Variants in OSBPL9 observed in about 807,000 individuals in gnomAD.
OSBPL9 encodes the protein oxysterol-binding protein-related protein 9.
OSBPL9 carries 40 observed loss-of-function variants against 106.6 expected under a neutral mutation model. The ratio of observed to expected loss-of-function variants is 0.38; its 90% CI spans 0.29 to 0.49. The LOEUF is 0.49. Among genes scored for constraint, OSBPL9 ranks in the 20% least tolerant of loss-of-function variants. The pLI is 0.97. For missense variants in OSBPL9, 609 were observed against 887.2 expected, an observed-to-expected ratio of 0.69 and a Z score of 3.98; for synonymous variants, 269 against 295.4, an observed-to-expected ratio of 0.91 and a Z score of 0.92.
At chr1:51,570,803 A>C in the OSBPL9 span, among the ~76,000 whole-genome samples, 3 of 152,120 alleles carry the variant, frequency 2.0e-5, no homozygotes, top group Non-Finnish European at 4.4e-5. Context: ...GTAAGGGGCT[A>C]TCATTATTCG....
intron 4 of OSBPL9, among the ~76,000 whole-genome samples, chr1:51,733,167 A>G (rs958742254): frequency 6.6e-6 from 1 of 152,184 alleles, no homozygotes; most frequent in African/African-American, 2.4e-5. Flanking sequence ...ACTAAGTTGT[A>G]TTGTAAATTT....
intron 2 of OSBPL9, among the ~76,000 whole-genome samples, chr1:51,598,603 GGTGT>G (rs144426018): frequency 2.6e-5 from 4 of 151,084 alleles, no homozygotes; most frequent in Non-Finnish European, 3.0e-5. Context: ...AATCTCTCCT[GGTGT>G]GTGTGTGTGT....
chr1:51,659,549 A>C (rs1287737197), intron 2 of OSBPL9, among the ~76,000 whole-genome samples: 1 of 152,054 alleles, frequency 6.6e-6, no homozygotes, highest in African/African-American at 2.4e-5. Flanking sequence ...AAAAGAATAC[A>C]CTAATGAAAT....
intron 1 of OSBPL9, among the ~76,000 whole-genome samples, chr1:51,626,016 C>G (rs895197159): frequency 6.6e-6 from 1 of 151,950 alleles, no homozygotes; most frequent in African/African-American, 2.4e-5. Context: ...CCATTGAGGC[C>G]CCATGATAAG....
chr1:51,700,250 C>T (rs1298939270), intron 3 of OSBPL9, among the ~76,000 whole-genome samples: 5 of 152,188 alleles, frequency 3.3e-5, no homozygotes, highest in Non-Finnish European at 7.3e-5. Flanking sequence ...CCCTCTTCCT[C>T]TTGCTTTGGG....
At chr1:51,646,079 T>C (rs1436562036) in intron 1 of OSBPL9, among the ~76,000 whole-genome samples, 1 of 152,172 alleles carries the variant, frequency 6.6e-6, no homozygotes, top group Non-Finnish European at 1.5e-5. Context: ...TTTTTTGAAG[T>C]TTGTTCTGGC....
At chr1:51,527,414 A>G in the OSBPL9 span, among the ~76,000 whole-genome samples, 1 of 151,924 alleles carries the variant, frequency 6.6e-6, no homozygotes, top group Non-Finnish European at 1.5e-5. Flanking sequence ...ATTTTTTTAG[A>G]TACAGGGACT....
chr1:51,742,828 A>C (rs759194098), intron 4 of OSBPL9, among the ~76,000 whole-genome samples: 3 of 152,242 alleles, frequency 2.0e-5, no homozygotes, highest in Non-Finnish European at 4.4e-5. Context: ...AAAGAGAAAC[A>C]GTTAACACTT....
intron 4 of OSBPL9, among the ~76,000 whole-genome samples, chr1:51,728,592 G>A (rs1390308328): frequency 1.3e-5 from 2 of 152,166 alleles, no homozygotes; most frequent in African/African-American, 2.4e-5. Flanking sequence ...AGGGGGAAGG[G>A]GAGAGTGCAT....
chr1:51,698,928 T>C (rs188403936), intron 3 of OSBPL9, among the ~76,000 whole-genome samples: 253 of 152,294 alleles, frequency 1.7e-3, no homozygotes, highest in Non-Finnish European at 1.9e-3. Context: ...TGGTGCTTCA[T>C]AGACACAAAG....
chr1:51,664,828 C>G (rs553954638), intron 2 of OSBPL9, among the ~76,000 whole-genome samples: 2 of 152,272 alleles, frequency 1.3e-5, no homozygotes, highest in African/African-American at 4.8e-5. Flanking sequence ...CTTTTCTGTT[C>G]ATTGAGCTGT....
At chr1:51,527,082 C>T in the OSBPL9 span, among the ~76,000 whole-genome samples, 15 of 151,934 alleles carry the variant, frequency 9.9e-5, no homozygotes, top group Non-Finnish European at 1.3e-4. Context: ...ACGCTAGGAC[C>T]CCTAACATCA....
the OSBPL9 span, among the ~76,000 whole-genome samples, chr1:51,518,836 C>G: frequency 2.6e-5 from 4 of 151,790 alleles, no homozygotes; most frequent in Non-Finnish European, 5.9e-5. Flanking sequence ...ATGCGTGCGG[C>G]CCTGTGGGAG....
intron 4 of OSBPL9, chr1:51,745,118 AT>A (rs1270020927): frequency 6.2e-6 from 1 of 161,674 alleles, no homozygotes; most frequent in East Asian, 1.9e-4. Flanking sequence ...CAGTGAGAAT[AT>A]GAAGTTAACA....
intron 4 of OSBPL9, among the ~76,000 whole-genome samples, chr1:51,727,960 AATG>A (rs979525149): frequency 2.0e-5 from 3 of 152,226 alleles, no homozygotes; most frequent in Admixed American, 6.5e-5. Flanking sequence ...GCAGGGAGGA[AATG>A]ATGATGAGTA....
rs568688862 is a variant in OSBPL9 at position 51,776,997 on chromosome 1, A to G, written c.1256+79A>G. 7.3e-5 allele frequency: 80 copies of G among 1,088,596 alleles called. No individual in the cohort carries two copies. The East Asian group carries it at 1.4e-3, about 19-fold the overall frequency. 67.4% of individuals were successfully genotyped at this position (1,088,596 alleles called of 1,614,324 possible). On this transcript the variant is annotated intron_variant, in intron 15 of 23. Transcript: ENST00000428468. The stretch of plus-strand genomic sequence containing the variant: ...TTCTGCCTTTTATTTTGCAGGATAG[A>G]TGGATTCCTTGTCACCTTTCAAACA...
chr1:51,737,941 C>T (rs1157945956), intron 4 of OSBPL9, among the ~76,000 whole-genome samples: 1 of 151,952 alleles, frequency 6.6e-6, no homozygotes, highest in African/African-American at 2.4e-5. Flanking sequence ...GTGAAGGAGG[C>T]TGCTAATAAT....
At position 51,665,447 on chromosome 1, in the gene OSBPL9, G is replaced by A. The variant is rs1432045139; in HGVS notation, c.163-3987G>A. ...GCATGAGCCACTGCGCCCGGCCTGAGGGACTTATTTTAAATTTTTACTTAA... is the reference window on the plus strand; with the variant it reads ...GCATGAGCCACTGCGCCCGGCCTGAAGGACTTATTTTAAATTTTTACTTAA... On this transcript the variant is annotated intron_variant, in intron 2 of 23. Coordinates refer to ENST00000428468, the MANE Select transcript of OSBPL9 (RefSeq NM_024586.6). 2.6e-5 allele frequency among the ~76,000 whole-genome samples: 4 copies of A among 152,104 alleles called. No homozygotes were observed. The East Asian group carries it at 5.8e-4, about 22-fold the overall frequency.
intron 3 of OSBPL9, among the ~76,000 whole-genome samples, chr1:51,678,460 A>G (rs1012013524): frequency 1.3e-5 from 2 of 152,086 alleles, no homozygotes; most frequent in Admixed American, 1.3e-4. Context: ...CAGGAGTTTG[A>G]GACCAGCCTG....
Sources: gnomAD v4.1 joint callset for allele counts (sites outside exome capture counted in the v4.1 genomes callset) on GRCh38, gnomAD v4.1.1 for gene constraint, MANE v1.5 for transcripts, NCBI Gene and HGNC (gene_info 2026-07-23, HGNC 2026-07-21) for gene names.